Variants in SLC25A18 observed in about 807,000 individuals in gnomAD.
SLC25A18 encodes the protein mitochondrial glutamate carrier 2.
A neutral mutation model predicts 31.1 loss-of-function variants in SLC25A18; 24 were observed. The observed-to-expected ratio is 0.77, with a 90% CI of 0.56 to 1.08. The LOEUF is 1.08. SLC25A18 is among the 50% of genes least tolerant of loss of function. The pLI, the probability that SLC25A18 is intolerant of heterozygous loss-of-function variation, is 0.00. For missense variants in SLC25A18, 371 were observed against 418.5 expected, an observed-to-expected ratio of 0.89 and a Z score of 0.99; for synonymous variants, 173 against 161.9, an observed-to-expected ratio of 1.07 and a Z score of -0.52.
intron 2 of SLC25A18, among the ~76,000 whole-genome samples, chr22:17,576,647 A>G: frequency 6.6e-6 from 1 of 152,114 alleles, no homozygotes; most frequent in East Asian, 1.9e-4. Context: ...GTTGCCTGTT[A>G]CTAATGCATT....
At chr22:17,572,636 AAT>A (rs1491579526) in intron 2 of SLC25A18, among the ~76,000 whole-genome samples, 4,195 of 102,888 alleles carry the variant, frequency 0.041, 231 homozygotes, top group Non-Finnish European at 0.056. Flanking sequence ...TCTACAAATA[AAT>A]TTTTTTTTTT....
At chr22:17,587,024 T>G in intron 7 of SLC25A18, 112 bp from the exon 8 acceptor site, 1 of 1,177,556 alleles carries the variant, frequency 8.5e-7, no homozygotes, top group East Asian at 2.4e-5. Flanking sequence ...CCAGCTGAGG[T>G]GTCAGCCTGG....
At chr22:17,572,815 G>T (rs1473991922) in intron 2 of SLC25A18, among the ~76,000 whole-genome samples, 1 of 150,854 alleles carries the variant, frequency 6.6e-6, no homozygotes, top group African/African-American at 2.5e-5. Flanking sequence ...CTAATTTTTT[G>T]TATTTTTAGT....
intron 1 of SLC25A18, among the ~76,000 whole-genome samples, chr22:17,567,173 A>G (rs957687861): frequency 6.6e-5 from 10 of 152,170 alleles, no homozygotes; most frequent in Non-Finnish European, 1.2e-4. Context: ...AAAATAATGT[A>G]TATTTTACAA....
At position 17,585,647 on chromosome 22, in the gene SLC25A18, A is replaced by T. The variant is rs1032634719; in HGVS notation, c.410-1489A>T. 9.3e-3 allele frequency among the ~76,000 whole-genome samples: 1,279 copies of T among 138,208 alleles called. 21 individuals are homozygous for T. Among genetic ancestry groups the T allele is most frequent in the African/African-American group, 0.033 (1,124 of 34,372 alleles). The allele number at this position is 138,208 out of a possible 152,430, so 90.7% of individuals were successfully genotyped here. On this transcript the variant is annotated intron_variant, in intron 7 of 10. Transcript: ENST00000327451. The stretch of plus-strand genomic sequence containing the variant: ...TATTATTTATTTTATTATTATTATT[A>T]TTATTTTTTTTTTTTTTTTGAGGCA...
chr22:17,583,261 G>A (rs1214050693), intron 6 of SLC25A18, among the ~76,000 whole-genome samples, 155 bp from the exon 7 acceptor site: 1 of 152,164 alleles, frequency 6.6e-6, no homozygotes, highest in African/African-American at 2.4e-5. Flanking sequence ...TGTCCGTACA[G>A]AGACCACACC....
At chr22:17,568,892 G>A (rs143633207) in intron 1 of SLC25A18, among the ~76,000 whole-genome samples, 271 of 151,574 alleles carry the variant, frequency 1.8e-3, no homozygotes, top group African/African-American at 6.3e-3. Flanking sequence ...TTTTATTATG[G>A]CTGGTAGATA....
intron 2 of SLC25A18, among the ~76,000 whole-genome samples, chr22:17,579,201 A>G (rs1286002164): frequency 6.6e-6 from 1 of 151,646 alleles, no homozygotes; most frequent in African/African-American, 2.4e-5. Flanking sequence ...GCAATCTCCT[A>G]CCTCAGCCCC....
chr22:17,568,224 GGGTGTGGT>G (rs2056988273), intron 1 of SLC25A18, among the ~76,000 whole-genome samples: 1 of 151,750 alleles, frequency 6.6e-6, no homozygotes, highest in Non-Finnish European at 1.5e-5. Context: ...AAAGTTAGCC[GGGTGTGGT>G]GGTGGGCACC....
intron 1 of SLC25A18, among the ~76,000 whole-genome samples, chr22:17,567,127 G>A (rs980375379): frequency 2.6e-5 from 4 of 152,258 alleles, no homozygotes; most frequent in Non-Finnish European, 2.9e-5. Context: ...ACGACACTGC[G>A]CTCCAGCCTG....
chr22:17,577,029 T>G (rs2057244744), intron 2 of SLC25A18, among the ~76,000 whole-genome samples: 1 of 150,686 alleles, frequency 6.6e-6, no homozygotes, highest in South Asian at 2.1e-4. Context: ...CTGGCTAATT[T>G]TTTTGGGGTG....
chr22:17,584,448 AG>A lies in SLC25A18; in HGVS notation c.409+915del, dbSNP rs1321643463. Among the ~76,000 whole-genome samples, 659 of 116,678 alleles carry A rather than the reference AG, an allele frequency of 5.6e-3. 7 individuals carry two copies. The highest frequency in any genetic ancestry group is 0.019 in the African/African-American group (494 of 26,666). The allele number at this position is 116,678 out of a possible 152,430, so 76.5% of individuals were successfully genotyped here. A position where few individuals can be genotyped will look rare whatever the true frequency, so the allele number is the denominator to read the frequency against. ...GAAGGAAGGAAGGAAGGAAGGAAGGAGAGAGAGAGAGAGAGAGAGAGAGAAA... is the reference window on the plus strand; with the variant it reads ...GAAGGAAGGAAGGAAGGAAGGAAGGAAGAGAGAGAGAGAGAGAGAGAGAAA... On this transcript the variant is annotated intron_variant, in intron 7 of 10. Coordinates refer to ENST00000327451, the MANE Select transcript of SLC25A18 (RefSeq NM_031481.3).
intron 7 of SLC25A18, among the ~76,000 whole-genome samples, chr22:17,585,650 ATTTTTT>A (rs143835144): frequency 8.7e-4 from 120 of 137,218 alleles, no homozygotes; most frequent in East Asian, 1.8e-3. Flanking sequence ...TATTATTATT[ATTTTTT>A]TTTTTTTTTT....
intron 6 of SLC25A18, 31 bp from the exon 7 acceptor site, chr22:17,583,377 TGGCCTGCG>T (rs780351678): frequency 6.2e-7 from 1 of 1,612,264 alleles, no homozygotes; most frequent in South Asian, 1.1e-5. Flanking sequence ...GGCAGGCCTG[TGGCCTGCG>T]GCTGAAGGAG....
chr22:17,581,485 C>T (rs1384921565), intron 5 of SLC25A18, 72 bp downstream of exon 5: 17 of 1,549,218 alleles, frequency 1.1e-5, no homozygotes, highest in Non-Finnish European at 1.4e-5. Context: ...ACTGGTGTTC[C>T]TTCCGTTGCT....
intron 6 of SLC25A18, 28 bp from the exon 7 acceptor site, chr22:17,583,388 T>C (rs1425080347): frequency 6.2e-7 from 1 of 1,613,434 alleles, no homozygotes; most frequent in Admixed American, 1.7e-5. Context: ...GGCCTGCGGC[T>C]GAAGGAGCCT....
intron 9 of SLC25A18, chr22:17,588,890 T>A (rs2057631126): frequency 7.1e-6 from 1 of 140,460 alleles, no homozygotes. Context: ...TGAGACCCTG[T>A]CTCTAAAAAA....
In SLC25A18 at chr22:17,587,276, AG is replaced by A; in HGVS notation, c.554del (p.Gly185AlafsTer50). On this transcript the variant is annotated frameshift_variant, in exon 8 of 11. Coordinates refer to ENST00000327451, the MANE Select transcript of SLC25A18 (RefSeq NM_031481.3). LOFTEE classifies it high-confidence loss of function. The part of the protein sequence containing the change: ...LRTQGLAGLY[R>X]GLGATLLRDI... ...CACTCAGGGCCTGGCTGGGCTCTACAGGGGCCTGGGTGCCACTCTCCTCAGG... is the reference window on the plus strand; with the variant it reads ...CACTCAGGGCCTGGCTGGGCTCTACAGGGCCTGGGTGCCACTCTCCTCAGG... The A allele has an allele frequency of 1.2e-6, 2 of 1,613,482 alleles. No individual in the cohort carries two copies. Among genetic ancestry groups the A allele is most frequent in the Non-Finnish European group, 1.7e-6 (2 of 1,179,932 alleles).
At position 17,587,140 on chromosome 22, in the gene SLC25A18, CCAT is replaced by C; in HGVS notation, c.420_422del (p.His140del). 6.2e-7 allele frequency: 1 copy of C among 1,613,892 alleles called. No homozygotes were observed. The highest frequency in any genetic ancestry group is 8.5e-7 in the Non-Finnish European group (1 of 1,179,920). ...TGTCTGTCCTTTCCCTTCCAGCCGTCCATCATCAGGGCTCGGCCTCAGCACCCT... is the reference window on the plus strand; with the variant it reads ...TGTCTGTCCTTTCCCTTCCAGCCGTCCATCAGGGCTCGGCCTCAGCACCCT... On this transcript the variant is annotated inframe_deletion, in exon 8 of 11. Coordinates refer to ENST00000327451, the MANE Select transcript of SLC25A18 (RefSeq NM_031481.3).
Sources: allele counts gnomAD v4.1 joint callset (sites outside exome capture counted in the v4.1 genomes callset), GRCh38; gene constraint gnomAD v4.1.1; transcripts MANE v1.5; gene names NCBI Gene and HGNC (gene_info 2026-07-23, HGNC 2026-07-21).